Variants in PELP1 observed in about 807,000 individuals in gnomAD.
The protein encoded by PELP1 is proline, glutamate and leucine rich protein 1.
A neutral mutation model predicts 95.5 loss-of-function variants in PELP1; 32 were observed. The ratio of observed to expected loss-of-function variants is 0.34; its 90% CI spans 0.25 to 0.45. The LOEUF (loss-of-function observed/expected upper bound fraction) is 0.45, where lower values mean the gene tolerates loss of function less well. Among genes scored for constraint, PELP1 ranks in the 20% least tolerant of loss-of-function variants. PELP1 has a pLI of 1.00. For missense variants in PELP1, 1,358 were observed against 1,444.8 expected (o/e 0.94, Z 0.97); for synonymous variants, 668 against 600.1 (o/e 1.11, Z -1.65).
chr17:4,675,237 C>G lies in PELP1; in HGVS notation c.1157+37G>C, dbSNP rs375683810. On this transcript the variant is annotated intron_variant, in intron 10 of 16. Transcript: ENST00000572293. This position sits in a 1 kb window ranked among gnomAD's most constrained non-coding sequence, Gnocchi z 4.3. ...ATGGTGACCCTCGTTTCTGGCACGC[C>G]CTATCCCTTCACCACAGCCAGCCCA... 6.3e-7 allele frequency: 1 copy of G among 1,598,348 alleles called. No individual in the cohort carries two copies. The highest frequency in any genetic ancestry group is 8.5e-7 in the Non-Finnish European group (1 of 1,172,818).
chr17:4,676,233 C>T (rs775002447), intron 7 of PELP1, 71 bp from the exon 8 acceptor site: 246 of 1,594,022 alleles, frequency 1.5e-4, no homozygotes, highest in Non-Finnish European at 2.0e-4. Context: ...TGGTGGACGA[C>T]CTGCCTGTAT....
At position 4,695,439 on chromosome 17, in the gene PELP1, C is replaced by T. The variant is rs976674052; in HGVS notation, c.250-3997G>A. Reference sequence around the variant, plus strand: ...CAAAATTCTGGGAAACCAAGGCAGGCGAATCACTTGAGGCCAGGAGTTCCA... The same window carrying T: ...CAAAATTCTGGGAAACCAAGGCAGGTGAATCACTTGAGGCCAGGAGTTCCA... On this transcript the variant is annotated intron_variant, in intron 1 of 16. Transcript: ENST00000572293. 3.3e-5 allele frequency among the ~76,000 whole-genome samples: 5 copies of T among 151,776 alleles called. No homozygotes were observed. The South Asian group carries it at 8.3e-4, about 25-fold the overall frequency.
At chr17:4,697,214 T>TTGAGA (rs1913332117) in intron 1 of PELP1, among the ~76,000 whole-genome samples, 2 of 141,112 alleles carry the variant, frequency 1.4e-5, no homozygotes, top group Non-Finnish European at 3.3e-5. Flanking sequence ...AACAGGAGAA[T>TTGAGA]CGAGAGGAGA....
chr17:4,671,719 T>C lies in PELP1; in HGVS notation c.3272A>G (p.Glu1091Gly). ...ETPAEEEMET[E>G]TEAEALQEKE... The stretch of plus-strand genomic sequence containing the variant: ...TTCCTGGAGAGCTTCGGCCTCTGTC[T>C]CTGTCTCCATCTCTTCTTCTGCAGG... The change falls in exon 16 of 17, where the codon GAG becomes GGG. Residue 1091 changes from glutamate (E) to glycine (G), a missense_variant. By Grantham distance (98) the Glu-to-Gly change is moderately conservative. Coordinates refer to ENST00000572293, the MANE Select transcript of PELP1 (RefSeq NM_014389.3). 1 of 1,544,490 alleles carries C rather than the reference T, an allele frequency of 6.5e-7. No homozygotes were observed. Among genetic ancestry groups the C allele is most frequent in the Non-Finnish European group, 8.7e-7 (1 of 1,151,306 alleles).
At position 4,690,958 on chromosome 17, in the gene PELP1, C is replaced by G; in HGVS notation, c.350G>C (p.Gly117Ala). The G allele has an allele frequency of 6.2e-7, 1 of 1,613,856 alleles. No individual in the cohort carries two copies. The highest frequency in any genetic ancestry group is 1.6e-4 in the Middle Eastern group (1 of 6,062). The change falls in exon 3 of 17, where the codon GGG (glycine) becomes GCG (alanine). Residue 117 changes from glycine (G) to alanine (A), a missense_variant. Physicochemically the swap from Gly to Ala is moderately conservative, Grantham distance 60. Around this residue, in one of 7 missense-constraint regions of PELP1, gnomAD observed 7 missense variants for 19.7 expected, o/e 0.36. Transcript: ENST00000572293. ...EGLCLLSLLV[G>A]ESPTELFQQH... ...CTGGAATAGCTCTGTGGGGCTCTCCCCTACCAGCAGGGACAGCAGACACAG... is the reference window on the plus strand; with the variant it reads ...CTGGAATAGCTCTGTGGGGCTCTCCGCTACCAGCAGGGACAGCAGACACAG...
At position 4,673,511 on chromosome 17, in the gene PELP1, C is replaced by T. The variant is rs545890859; in HGVS notation, c.1639-55G>A. 1 of 1,566,118 alleles carries T rather than the reference C, an allele frequency of 6.4e-7. No homozygotes were observed. The highest frequency in any genetic ancestry group is 1.4e-5 in the African/African-American group (1 of 74,044). On this transcript the variant is annotated intron_variant, in intron 14 of 16. Transcript: ENST00000572293. The surrounding 1 kb of genome is among the most constrained non-coding windows in gnomAD (Gnocchi z 5.7). ...TCCCCAAGACCACCCAACCCTTCTCCAGAGCCTACTCCCAGGTCGGAATGG... is the reference window on the plus strand; with the variant it reads ...TCCCCAAGACCACCCAACCCTTCTCTAGAGCCTACTCCCAGGTCGGAATGG...
At chr17:4,694,729 T>G (rs370998058) in intron 1 of PELP1, among the ~76,000 whole-genome samples, 1 of 151,208 alleles carries the variant, frequency 6.6e-6, no homozygotes, top group South Asian at 2.1e-4. Context: ...TGCCAGCACT[T>G]TGGGGGGCCG....
At position 4,682,716 on chromosome 17, in the gene PELP1, C is replaced by T. The variant is rs936248295; in HGVS notation, c.570+87G>A. 15 of 1,464,124 alleles carry T rather than the reference C, an allele frequency of 1.0e-5. No homozygotes were observed. The African/African-American group carries it at 1.1e-4, about 11-fold the overall frequency. The allele number at this position is 1,464,124 out of a possible 1,614,324, so 90.7% of individuals were successfully genotyped here. A position where few individuals can be genotyped will look rare whatever the true frequency, so the allele number is the denominator to read the frequency against. On this transcript the variant is annotated intron_variant, in intron 4 of 16. Coordinates refer to ENST00000572293, the MANE Select transcript of PELP1 (RefSeq NM_014389.3). ...TCTTCTCACTTCTTCAATCCTATTC[C>T]CCAGTCACTTCCATCAAACAATTAA...
In PELP1 at chr17:4,674,493, G is replaced by T; in HGVS notation, c.1582+17C>A. On this transcript the variant is annotated intron_variant, in intron 13 of 16. Coordinates refer to ENST00000572293, the MANE Select transcript of PELP1 (RefSeq NM_014389.3). ...CCCGTTTGAGCCCCAGTGGTCCAGG[G>T]CACAGGCCTCACCCACCTCTGAGTG... The T allele has an allele frequency of 7.5e-6, 12 of 1,608,610 alleles. No homozygotes were observed. Among genetic ancestry groups the T allele is most frequent in the Non-Finnish European group, 1.0e-5 (12 of 1,177,550 alleles).
At chr17:4,695,440 G>A (rs979389215) in intron 1 of PELP1, among the ~76,000 whole-genome samples, 9 of 151,950 alleles carry the variant, frequency 5.9e-5, no homozygotes, top group Admixed American at 2.0e-4. Context: ...CAAGGCAGGC[G>A]AATCACTTGA....
At chr17:4,678,109 G>A (rs1912559330) in intron 5 of PELP1, among the ~76,000 whole-genome samples, 1 of 151,986 alleles carries the variant, frequency 6.6e-6, no homozygotes, top group Non-Finnish European at 1.5e-5. Context: ...AGCTACTTGG[G>A]AGGCTGAGGC....
chr17:4,675,696 C>A lies in PELP1; in HGVS notation c.1068+101G>T. ...AAAAGTAGGAAGCTCTCTGGGACGA[C>A]TCCAGGATGACACTGTTTGGGGAGA... On this transcript the variant is annotated intron_variant, in intron 9 of 16. Transcript: ENST00000572293. This position sits in a 1 kb window ranked among gnomAD's most constrained non-coding sequence, Gnocchi z 4.3. 1 of 853,614 alleles carries A rather than the reference C, an allele frequency of 1.2e-6. No individual in the cohort carries two copies. Among genetic ancestry groups the A allele is most frequent in the Non-Finnish European group, 2.0e-6 (1 of 509,334 alleles). 52.9% of individuals were successfully genotyped at this position (853,614 alleles called of 1,614,324 possible).
Position 4,675,234 on chromosome 17 carries a change from C to G in PELP1, c.1158-39G>C. ...GGAATGGTGACCCTCGTTTCTGGCA[C>G]GCCCTATCCCTTCACCACAGCCAGC... On this transcript the variant is annotated intron_variant, in intron 10 of 16. Transcript: ENST00000572293. This position sits in a 1 kb window ranked among gnomAD's most constrained non-coding sequence, Gnocchi z 4.3. 6.2e-7 allele frequency: 1 copy of G among 1,600,326 alleles called. No individual in the cohort carries two copies. The highest frequency in any genetic ancestry group is 8.5e-7 in the Non-Finnish European group (1 of 1,173,678).
chr17:4,677,923 A>T (rs1205210788), intron 5 of PELP1, among the ~76,000 whole-genome samples: 3 of 143,368 alleles, frequency 2.1e-5, no homozygotes, highest in Non-Finnish European at 3.1e-5. Context: ...TCTCAAAAAG[A>T]AAAAAAAAAA....
Position 4,670,321 on chromosome 17 carries a change from CCCCTA to C in PELP1, c.*1113_*1117del, listed in dbSNP as rs1912147090. The C allele has an allele frequency of 6.6e-6, 1 of 152,158 alleles. No individual in the cohort carries two copies. The allele number at this position is 152,158 out of a possible 1,614,324, so 9.4% of individuals were successfully genotyped here. The stretch of plus-strand genomic sequence containing the variant: ...TGACTGAGCAAAAAAAACCACGGGG[CCCCTA>C]GTTCAAGCCCACCAATCTTGGTACC... On this transcript the variant is annotated 3_prime_UTR_variant, in exon 17 of 17. Coordinates refer to ENST00000572293, the MANE Select transcript of PELP1 (RefSeq NM_014389.3).
At chr17:4,679,915 C>T (rs1319400348) in intron 5 of PELP1, among the ~76,000 whole-genome samples, 2 of 152,188 alleles carry the variant, frequency 1.3e-5, no homozygotes, top group African/African-American at 4.8e-5. Flanking sequence ...CAGTTACTAA[C>T]GACACTGCAG....
At chr17:4,701,098 G>A (rs1239168093) in intron 1 of PELP1, among the ~76,000 whole-genome samples, 1 of 151,502 alleles carries the variant, frequency 6.6e-6, no homozygotes, top group East Asian at 1.9e-4. Flanking sequence ...GGGTGGGGTG[G>A]GGAAAATACT....
chr17:4,683,128 C>T (rs1036934713), intron 3 of PELP1, 176 bp from the exon 4 acceptor site: 1 of 1,242,048 alleles, frequency 8.1e-7, no homozygotes, highest in Non-Finnish European at 1.0e-6. Flanking sequence ...TTACATTTTA[C>T]TATTACGGGT....
chr17:4,681,106 C>T (rs1404445094), intron 5 of PELP1, among the ~76,000 whole-genome samples: 1 of 152,144 alleles, frequency 6.6e-6, no homozygotes. Context: ...CAGGAATATA[C>T]ACAGAAAGAA....
Sources: allele counts gnomAD v4.1 joint callset (sites outside exome capture counted in the v4.1 genomes callset), GRCh38; gene constraint gnomAD v4.1.1; regional missense constraint gnomAD v4.1.1; non-coding constraint Gnocchi (gnomAD v3.1); transcripts MANE v1.5; gene names NCBI Gene and HGNC (gene_info 2026-07-23, HGNC 2026-07-21).